TENM2: variants seen among roughly 807,000 people sequenced by gnomAD.
TENM2 encodes the protein teneurin-2.
In TENM2, 52 loss-of-function variants were observed where a neutral mutation model predicts 245.2. The observed-to-expected ratio is 0.21, with a 90% CI of 0.17 to 0.27. The LOEUF is 0.27. Among genes scored for constraint, TENM2 ranks in the 10% least tolerant of loss-of-function variants. TENM2 has a pLI of 1.00. For synonymous variants in TENM2, 1,363 were observed against 1,438.9 expected (o/e 0.95, Z 1.19); for missense variants, 3,046 against 3,666.8 (o/e 0.83, Z 4.37).
Position 168,126,994 on chromosome 5 carries a change from G to T in TENM2, c.2422+28G>T, listed in dbSNP as rs763751961. 4 of 1,562,584 alleles carry T rather than the reference G, an allele frequency of 2.6e-6. 1 individual carries two copies. In the South Asian group the frequency reaches 4.7e-5, roughly 18 times the overall value. On this transcript the variant is annotated intron_variant, in intron 12 of 28. Coordinates refer to ENST00000518659, the Ensembl canonical transcript of TENM2. The stretch of plus-strand genomic sequence containing the variant: ...ACATATTGCTTTATTTTCATAAATT[G>T]TAGATCTATAGTGATGGTCGCGCAT...
chr5:167,467,389 A>G (rs977720790), intron 2 of TENM2, among the ~76,000 whole-genome samples: 9 of 152,128 alleles, frequency 5.9e-5, no homozygotes, highest in South Asian at 2.1e-4. Context: ...TCCTTTGCTT[A>G]TAAATTACCC....
chr5:167,948,533 A>C (rs1779824055), intron 3 of TENM2, among the ~76,000 whole-genome samples: 1 of 152,224 alleles, frequency 6.6e-6, no homozygotes, highest in Admixed American at 6.5e-5. Flanking sequence ...CCAATAAGAC[A>C]GTTCCTTCTT....
At chr5:168,073,499 C>T (rs2152134940) in intron 7 of TENM2, among the ~76,000 whole-genome samples, 1 of 152,322 alleles carries the variant, frequency 6.6e-6, no homozygotes, top group South Asian at 2.1e-4. Flanking sequence ...TCACTCTTCG[C>T]TAATGGGGAC....
chr5:167,922,132 T>C (rs1234485881), intron 3 of TENM2, among the ~76,000 whole-genome samples: 1 of 152,140 alleles, frequency 6.6e-6, no homozygotes, highest in African/African-American at 2.4e-5. Context: ...GTCTTTTAGG[T>C]TCTACTAGCA....
At chr5:167,186,971 CTGT>C in the TENM2 span, among the ~76,000 whole-genome samples, 16 of 152,294 alleles carry the variant, frequency 1.1e-4, no homozygotes, top group South Asian at 6.2e-4. Context: ...CAAATCCTTG[CTGT>C]TGTTGTTGTG....
At chr5:167,424,377 A>G (rs1299214147) in intron 2 of TENM2, among the ~76,000 whole-genome samples, 1 of 152,080 alleles carries the variant, frequency 6.6e-6, no homozygotes, top group Non-Finnish European at 1.5e-5. Context: ...TTGGCCTGCT[A>G]TTTATTCATC....
intron 1 of TENM2, among the ~76,000 whole-genome samples, chr5:167,288,193 CTG>C (rs974426340): frequency 6.6e-6 from 1 of 152,158 alleles, no homozygotes; most frequent in Non-Finnish European, 1.5e-5. Flanking sequence ...GCTCTGCATT[CTG>C]TGTTTCATCA....
At chr5:167,223,127 C>A in the TENM2 span, among the ~76,000 whole-genome samples, 1 of 151,940 alleles carries the variant, frequency 6.6e-6, no homozygotes, top group Non-Finnish European at 1.5e-5. Flanking sequence ...TGATCAAGCC[C>A]ATGTACTTAA....
chr5:167,869,553 A>T (rs900901903), intron 2 of TENM2, among the ~76,000 whole-genome samples: 7 of 152,190 alleles, frequency 4.6e-5, no homozygotes, highest in African/African-American at 1.7e-4. Context: ...AAACAGATAG[A>T]TATGCTTTGG....
intron 5 of TENM2, among the ~76,000 whole-genome samples, chr5:168,026,005 C>T (rs1459687498): frequency 6.6e-6 from 1 of 152,160 alleles, no homozygotes; most frequent in Non-Finnish European, 1.5e-5. Context: ...AACACAACTT[C>T]TATTAATAAT....
intron 12 of TENM2, among the ~76,000 whole-genome samples, chr5:168,142,372 T>C (rs1755633401): frequency 6.6e-6 from 1 of 152,262 alleles, no homozygotes; most frequent in African/African-American, 2.4e-5. Context: ...GACATTTAAA[T>C]TTCGGCTTCC....
intron 2 of TENM2, among the ~76,000 whole-genome samples, chr5:167,718,921 T>C (rs1209086170): frequency 6.6e-6 from 1 of 152,174 alleles, no homozygotes; most frequent in South Asian, 2.1e-4. Flanking sequence ...AGAGAAAATA[T>C]ATAAAGCACT....
chr5:167,463,505 TA>T (rs138815576), intron 2 of TENM2, among the ~76,000 whole-genome samples: 32,502 of 150,750 alleles, frequency 0.22, 3,607 homozygotes, highest in Non-Finnish European at 0.24. Flanking sequence ...TATTTTATTT[TA>T]TTTTTTTTTG....
At chr5:167,669,382 T>A (rs1372713073) in intron 2 of TENM2, among the ~76,000 whole-genome samples, 1 of 152,186 alleles carries the variant, frequency 6.6e-6, no homozygotes, top group Non-Finnish European at 1.5e-5. Context: ...AAAATAAATG[T>A]GTGAACATGT....
chr5:167,262,379 T>G, the TENM2 span, among the ~76,000 whole-genome samples: 1 of 149,850 alleles, frequency 6.7e-6, no homozygotes, highest in African/African-American at 2.5e-5. Flanking sequence ...AAAAGAGGAT[T>G]ATCAAGATGG....
At chr5:167,551,282 G>A (rs1323012642) in intron 2 of TENM2, among the ~76,000 whole-genome samples, 4 of 152,094 alleles carry the variant, frequency 2.6e-5, no homozygotes, top group Non-Finnish European at 2.9e-5. Flanking sequence ...AGAATGAAGC[G>A]GTGAACAAGA....
chr5:168,171,960 T>C (rs78656257), intron 13 of TENM2, among the ~76,000 whole-genome samples: 2,055 of 152,290 alleles, frequency 0.013, 40 homozygotes, highest in African/African-American at 0.047. Context: ...TGACCAGCAT[T>C]TGAATAAAGA....
At chr5:167,213,241 G>A in the TENM2 span, among the ~76,000 whole-genome samples, 34 of 152,262 alleles carry the variant, frequency 2.2e-4, no homozygotes, top group African/African-American at 8.2e-4. Context: ...GTCATTAAAC[G>A]ATGTCTCAGC....
At chr5:167,428,151 C>A (rs1002411713) in intron 2 of TENM2, among the ~76,000 whole-genome samples, 2 of 152,046 alleles carry the variant, frequency 1.3e-5, no homozygotes, top group African/African-American at 4.8e-5. Context: ...CTATAAAAGG[C>A]AAAATGCTAT....
Sources: allele counts gnomAD v4.1 joint callset (sites outside exome capture counted in the v4.1 genomes callset), GRCh38; gene constraint gnomAD v4.1.1; transcripts MANE v1.5; gene names NCBI Gene and HGNC (gene_info 2026-07-23, HGNC 2026-07-21).